The following POLN variants were observed in gnomAD, a reference collection of about 807,000 sequenced individuals.
POLN encodes the protein DNA polymerase nu.
Under a neutral mutation model 113.5 loss-of-function variants are expected in POLN, and 108 were observed. That is an observed-to-expected ratio of 0.95 (90% CI 0.81 to 1.12). The LOEUF is 1.12. Among genes scored for constraint, POLN ranks in the 50% most tolerant of loss-of-function variants. The pLI, the probability that POLN is intolerant of heterozygous loss-of-function variation, is 0.00. For synonymous variants in POLN, 386 were observed against 391.5 expected (o/e 0.99, Z 0.17); for missense variants, 1,097 against 1,077.1 (o/e 1.02, Z -0.26).
chr4:2,100,283 T>G (rs1466504601), intron 19 of POLN, among the ~76,000 whole-genome samples: 1 of 151,808 alleles, frequency 6.6e-6, no homozygotes, highest in Non-Finnish European at 1.5e-5. Context: ...CCAATGAAAA[T>G]TATAAAGAAA....
chr4:2,081,398 G>C (rs1730413407), intron 22 of POLN: 1 of 622,652 alleles, frequency 1.6e-6, no homozygotes, highest in Non-Finnish European at 2.8e-6. Context: ...AGTACTGCCT[G>C]GGCCCAGTTC....
At chr4:2,205,961 G>T (rs1344877099) in intron 5 of POLN, among the ~76,000 whole-genome samples, 1 of 150,648 alleles carries the variant, frequency 6.6e-6, no homozygotes, top group Non-Finnish European at 1.5e-5. Flanking sequence ...TAAGCAAAAA[G>T]AGCAAATCTG....
At chr4:2,175,167 T>A (rs549494519) in intron 9 of POLN, among the ~76,000 whole-genome samples, 1 of 152,104 alleles carries the variant, frequency 6.6e-6, no homozygotes, top group Non-Finnish European at 1.5e-5. Flanking sequence ...GTGACCCCTA[T>A]CATGGGCATG....
intron 19 of POLN, among the ~76,000 whole-genome samples, chr4:2,124,926 A>C (rs1253813692): frequency 6.6e-6 from 1 of 152,176 alleles, no homozygotes; most frequent in Non-Finnish European, 1.5e-5. Context: ...AAGAAGCAAG[A>C]AAGAGCTGGC....
Position 2,095,568 on chromosome 4 carries a change from G to C in POLN, c.2065+283C>G, listed in dbSNP as rs576384668. Among the ~76,000 whole-genome samples, 11 of 152,350 alleles carry C rather than the reference G, an allele frequency of 7.2e-5. No homozygotes were observed. In the East Asian group the frequency reaches 2.1e-3, roughly 29 times the overall value. On this transcript the variant is annotated intron_variant, in intron 20 of 25. Coordinates refer to ENST00000511885, the MANE Select transcript of POLN (RefSeq NM_181808.4). ...TCCTCGAAGGTCTCCAAGCACAGCA[G>C]TGGTGCCTAGCACAGTGGTATGGTG...
At chr4:2,167,278 T>C (rs1732752410) in intron 13 of POLN, among the ~76,000 whole-genome samples, 1 of 152,176 alleles carries the variant, frequency 6.6e-6, no homozygotes, top group Admixed American at 6.5e-5. Context: ...ACCCCAAGGC[T>C]GGACCATCTT....
At chr4:2,128,331 A>G in intron 18 of POLN, 104 bp from the exon 19 acceptor site, 1 of 676,446 alleles carries the variant, frequency 1.5e-6, no homozygotes, top group Non-Finnish European at 2.6e-6. Flanking sequence ...TGTAGCCTCA[A>G]GGTCCATGTC....
chr4:2,125,577 T>G (rs975878665), intron 19 of POLN, among the ~76,000 whole-genome samples: 2 of 151,984 alleles, frequency 1.3e-5, no homozygotes, highest in African/African-American at 2.4e-5. Flanking sequence ...CGCCAGCACC[T>G]GGGGTGGGGT....
chr4:2,170,810 T>G, intron 12 of POLN, 36 bp from the exon 13 acceptor site: 2 of 1,569,166 alleles, frequency 1.3e-6, no homozygotes, highest in Non-Finnish European at 1.8e-6. Flanking sequence ...TGAGGGAATC[T>G]CACATTTGAG....
chr4:2,240,628 G>C (rs1436956598), intron 2 of POLN: 1 of 1,613,624 alleles, frequency 6.2e-7, no homozygotes. Context: ...AGTAGAGTTT[G>C]AACCTCATCC....
At chr4:2,195,817 G>T (rs1337049628) in intron 6 of POLN, among the ~76,000 whole-genome samples, 1 of 152,158 alleles carries the variant, frequency 6.6e-6, no homozygotes, top group South Asian at 2.1e-4. Flanking sequence ...GTTGGTAGAG[G>T]AAAGTTCTTT....
intron 16 of POLN, among the ~76,000 whole-genome samples, chr4:2,145,947 C>T (rs991214440): frequency 2.6e-5 from 4 of 151,902 alleles, no homozygotes; most frequent in Admixed American, 6.6e-5. Flanking sequence ...TTTAGAGCTA[C>T]GTCTGTCAAC....
chr4:2,218,098 G>A (rs1277606078), intron 3 of POLN, among the ~76,000 whole-genome samples: 1 of 152,016 alleles, frequency 6.6e-6, no homozygotes, highest in South Asian at 2.1e-4. Context: ...GCCAGCCTGA[G>A]CAACACAGTA....
chr4:2,136,080 T>C (rs1298994444), intron 16 of POLN, among the ~76,000 whole-genome samples: 2 of 152,198 alleles, frequency 1.3e-5, no homozygotes, highest in African/African-American at 4.8e-5. Context: ...GGTCCCCTCG[T>C]GTTGACCACC....
chr4:2,105,829 T>TGAC (rs1731052493), intron 19 of POLN, among the ~76,000 whole-genome samples: 2 of 151,418 alleles, frequency 1.3e-5, no homozygotes. Context: ...ATGATGATGA[T>TGAC]GATGATGATG....
At chr4:2,106,048 C>T (rs1731058713) in intron 19 of POLN, among the ~76,000 whole-genome samples, 1 of 151,982 alleles carries the variant, frequency 6.6e-6, no homozygotes, top group African/African-American at 2.4e-5. Flanking sequence ...TACTCCGGTA[C>T]TCTTTTTTTT....
chr4:2,222,076 T>C (rs1734271690), intron 3 of POLN, among the ~76,000 whole-genome samples: 1 of 152,180 alleles, frequency 6.6e-6, no homozygotes, highest in Non-Finnish European at 1.5e-5. Flanking sequence ...CAAAATAAAC[T>C]TTCTAAATTG....
intron 16 of POLN, among the ~76,000 whole-genome samples, chr4:2,151,531 C>A (rs1732296095): frequency 6.6e-6 from 1 of 152,182 alleles, no homozygotes; most frequent in Non-Finnish European, 1.5e-5. Context: ...GTTAATATCC[C>A]AAACTGAATA....
intron 16 of POLN, among the ~76,000 whole-genome samples, chr4:2,135,733 C>T (rs1229523250): frequency 6.6e-6 from 1 of 152,190 alleles, no homozygotes; most frequent in African/African-American, 2.4e-5. Context: ...GGGGGTCACC[C>T]AGCACACTGG....
Sources: allele counts gnomAD v4.1 joint callset (sites outside exome capture counted in the v4.1 genomes callset), GRCh38; gene constraint gnomAD v4.1.1; transcripts MANE v1.5; gene names NCBI Gene and HGNC (gene_info 2026-07-23, HGNC 2026-07-21).